The following RABGAP1L variants were observed in gnomAD, a reference collection of about 807,000 sequenced individuals.
The protein encoded by RABGAP1L is rab GTPase-activating protein 1-like.
Under a neutral mutation model 137.7 loss-of-function variants are expected in RABGAP1L, and 63 were observed. The observed-to-expected ratio is 0.46, with a 90% CI of 0.37 to 0.56. The LOEUF (loss-of-function observed/expected upper bound fraction) is 0.56. RABGAP1L is among the 20% of genes least tolerant of loss of function. The probability of loss-of-function intolerance (pLI) is 0.00; values close to 1 mark genes in which losing one functional copy is unlikely to be tolerated. For synonymous variants in RABGAP1L, 431 were observed against 433.7 expected, an observed-to-expected ratio of 0.99 and a Z score of 0.08; for missense variants, 1,095 against 1,244.0, an observed-to-expected ratio of 0.88 and a Z score of 1.80.
intron 13 of RABGAP1L, among the ~76,000 whole-genome samples, chr1:174,561,801 T>A (rs1320486292): frequency 2.0e-5 from 3 of 152,170 alleles, no homozygotes; most frequent in Non-Finnish European, 4.4e-5. Context: ...TGGCTAGCCA[T>A]AAGCAGAAAA....
intron 19 of RABGAP1L, among the ~76,000 whole-genome samples, chr1:174,913,303 T>C (rs1411809628): frequency 1.3e-5 from 2 of 152,172 alleles, no homozygotes; most frequent in African/African-American, 4.8e-5. Context: ...AAGAGCTATA[T>C]AATAAAACAA....
intron 12 of RABGAP1L, among the ~76,000 whole-genome samples, chr1:174,383,993 C>A (rs1387438000): frequency 1.3e-5 from 2 of 152,160 alleles, no homozygotes; most frequent in Non-Finnish European, 2.9e-5. Flanking sequence ...TTTATGATAG[C>A]CTTGCTCATA....
chr1:174,266,402 TACC>T (rs1257160321), intron 7 of RABGAP1L, among the ~76,000 whole-genome samples: 1 of 152,194 alleles, frequency 6.6e-6, no homozygotes, highest in Non-Finnish European at 1.5e-5. Context: ...AGTAGACTGC[TACC>T]ACTGGAAGGC....
chr1:174,177,885 C>T (rs991809003), intron 1 of RABGAP1L, among the ~76,000 whole-genome samples: 4 of 152,064 alleles, frequency 2.6e-5, no homozygotes, highest in African/African-American at 9.7e-5. Context: ...TTACTGTAGC[C>T]TTGTAGTATA....
intron 19 of RABGAP1L, among the ~76,000 whole-genome samples, chr1:174,943,784 G>A (rs1378226989): frequency 6.6e-6 from 1 of 151,824 alleles, no homozygotes; most frequent in Non-Finnish European, 1.5e-5. Flanking sequence ...AGTGAGCCGA[G>A]ATCACGCCAC....
intron 16 of RABGAP1L, chr1:174,701,109 A>G (rs1372603149): frequency 7.7e-7 from 1 of 1,304,710 alleles, no homozygotes; most frequent in South Asian, 1.2e-5. Context: ...TCTATTTAGG[A>G]AAACAAAATG....
intron 13 of RABGAP1L, among the ~76,000 whole-genome samples, chr1:174,433,652 G>A (rs1361658837): frequency 6.6e-6 from 1 of 152,156 alleles, no homozygotes; most frequent in Non-Finnish European, 1.5e-5. Flanking sequence ...TGAGCCATGA[G>A]TCAGATATAC....
chr1:174,747,617 A>G (rs1683986242), intron 17 of RABGAP1L, among the ~76,000 whole-genome samples: 2 of 152,040 alleles, frequency 1.3e-5, no homozygotes, highest in South Asian at 2.1e-4. Context: ...TTGTTTAAAG[A>G]ATTTACATAC....
chr1:174,795,159 T>G lies in RABGAP1L; in HGVS notation c.2212-16673T>G, dbSNP rs975367149. On this transcript the variant is annotated intron_variant, in intron 18 of 25. Coordinates refer to ENST00000681986, the MANE Select transcript of RABGAP1L (RefSeq NM_001366446.1). ...GGTTTTTTCTCTTACTCTCTCTTAT[T>G]GGGTATGAAAGGATTCAGAATATGT... 1.2e-4 allele frequency among the ~76,000 whole-genome samples: 18 copies of G among 152,120 alleles called. 1 individual carries two copies. The highest frequency in any genetic ancestry group is 9.2e-4 in the Admixed American group (14 of 15,268).
At chr1:174,775,637 A>G (rs1459834190) in intron 18 of RABGAP1L, among the ~76,000 whole-genome samples, 2 of 152,022 alleles carry the variant, frequency 1.3e-5, no homozygotes, top group Non-Finnish European at 1.5e-5. Flanking sequence ...TAAGAAAACA[A>G]TCAGCAGTCT....
At chr1:174,623,935 A>G (rs966466566) in intron 13 of RABGAP1L, among the ~76,000 whole-genome samples, 1 of 152,208 alleles carries the variant, frequency 6.6e-6, no homozygotes, top group Non-Finnish European at 1.5e-5. Flanking sequence ...TGTCATTCAG[A>G]TAGTAAAAGC....
intron 13 of RABGAP1L, among the ~76,000 whole-genome samples, chr1:174,419,492 A>G (rs1189593461): frequency 6.6e-6 from 1 of 152,216 alleles, no homozygotes; most frequent in Non-Finnish European, 1.5e-5. Flanking sequence ...TATGCTAAAA[A>G]TGTACACTAT....
At chr1:174,804,468 A>G (rs1296275932) in intron 18 of RABGAP1L, among the ~76,000 whole-genome samples, 3 of 151,578 alleles carry the variant, frequency 2.0e-5, no homozygotes, top group South Asian at 4.2e-4. Flanking sequence ...CTGAGGTTTC[A>G]TCTCATCTCT....
intron 19 of RABGAP1L, among the ~76,000 whole-genome samples, chr1:174,866,243 ATATC>A (rs201724602): frequency 0.02 from 3,091 of 151,820 alleles, 49 homozygotes; most frequent in Middle Eastern, 0.082. Context: ...CTTTCCCTCT[ATATC>A]TATCTATAGA....
intron 11 of RABGAP1L, among the ~76,000 whole-genome samples, chr1:174,366,773 T>C (rs1684657695): frequency 9.4e-6 from 1 of 106,288 alleles, no homozygotes; most frequent in Non-Finnish European, 1.9e-5. Context: ...AGACTCCGTC[T>C]CCAGGAAAAA....
chr1:174,303,781 TACC>T (rs1677945999), intron 10 of RABGAP1L, among the ~76,000 whole-genome samples: 1 of 152,198 alleles, frequency 6.6e-6, no homozygotes, highest in South Asian at 2.1e-4. Context: ...TGAAATATTT[TACC>T]ACTATTGTAC....
At chr1:174,394,949 GTT>G (rs200599515) in intron 13 of RABGAP1L, among the ~76,000 whole-genome samples, 31,167 of 142,886 alleles carry the variant, frequency 0.22, 3,553 homozygotes, top group Admixed American at 0.26. Context: ...GCTGAATTCA[GTT>G]TTTTTTTTTT....
chr1:174,682,315 T>TAC (rs1481305707), intron 14 of RABGAP1L, among the ~76,000 whole-genome samples: 6 of 150,664 alleles, frequency 4.0e-5, no homozygotes, highest in Non-Finnish European at 8.9e-5. Flanking sequence ...CATATATATA[T>TAC]ATACACACAC....
At chr1:174,685,551 C>CTTTCTTTATTTATTTA (rs112033205) in intron 15 of RABGAP1L, among the ~76,000 whole-genome samples, 3 of 144,970 alleles carry the variant, frequency 2.1e-5, no homozygotes, top group African/African-American at 7.8e-5. Flanking sequence ...CCGCGCCGGC[C>CTTTCTTTATTTATTTA]TTTATTTATT....
Sources: gnomAD v4.1 joint callset for allele counts (sites outside exome capture counted in the v4.1 genomes callset) on GRCh38, gnomAD v4.1.1 for gene constraint, MANE v1.5 for transcripts, NCBI Gene and HGNC (gene_info 2026-07-23, HGNC 2026-07-21) for gene names.